The following KREMEN1 variants were observed in gnomAD, a reference collection of about 807,000 sequenced individuals.
KREMEN1 encodes kremen protein 1.
A neutral mutation model predicts 46.5 loss-of-function variants in KREMEN1; 30 were observed. The ratio of observed to expected loss-of-function variants is 0.65; its 90% CI spans 0.48 to 0.88. The LOEUF (loss-of-function observed/expected upper bound fraction) is 0.88, where lower values mean the gene tolerates loss of function less well. KREMEN1 is among the 40% of genes least tolerant of loss of function. The probability of loss-of-function intolerance (pLI) is 0.00; values close to 1 mark genes in which losing one functional copy is unlikely to be tolerated. For synonymous variants in KREMEN1, 214 were observed against 230.6 expected, an observed-to-expected ratio of 0.93 and a Z score of 0.65; for missense variants, 533 against 596.9, an observed-to-expected ratio of 0.89 and a Z score of 1.11.
At position 29,142,677 on chromosome 22, in the gene KREMEN1, C is replaced by A. The variant is rs747399253; in HGVS notation, c.*565C>A. The A allele has an allele frequency of 9.7e-5, 96 of 985,428 alleles. No homozygotes were observed. The highest frequency in any genetic ancestry group is 1.1e-4 in the Non-Finnish European group (93 of 830,028). 61.0% of individuals were successfully genotyped at this position (985,428 alleles called of 1,614,324 possible). A position where few individuals can be genotyped will look rare whatever the true frequency, so the allele number is the denominator to read the frequency against. On this transcript the variant is annotated 3_prime_UTR_variant, in exon 9 of 9. Coordinates refer to ENST00000400335, the MANE Select transcript of KREMEN1 (RefSeq NM_001039570.3). Reference sequence around the variant, plus strand: ...GGCAGTGTCTGTGCTGCCCCGGCAGCTTTGCTCTCCAGATGCTGGACTAGG... The same window carrying A: ...GGCAGTGTCTGTGCTGCCCCGGCAGATTTGCTCTCCAGATGCTGGACTAGG...
Position 29,146,269 on chromosome 22 carries a change from G to A in KREMEN1, c.*4157G>A. On this transcript the variant is annotated 3_prime_UTR_variant, in exon 9 of 9. Transcript: ENST00000400335. Reference sequence around the variant, plus strand: ...GCCAGGTCTCAGCTTAGCTTCCCTGGTGTGGGGTGTTTTTCAAGCCTTCCA... The same window carrying A: ...GCCAGGTCTCAGCTTAGCTTCCCTGATGTGGGGTGTTTTTCAAGCCTTCCA... 1.0e-6 allele frequency: 1 copy of A among 985,910 alleles called. No homozygotes were observed. Among genetic ancestry groups the A allele is most frequent in the Non-Finnish European group, 1.2e-6 (1 of 829,998 alleles). The allele number at this position is 985,910 out of a possible 1,614,324, so 61.1% of individuals were successfully genotyped here.
At chr22:29,085,895 C>T (rs1390877005) in intron 1 of KREMEN1, among the ~76,000 whole-genome samples, 4 of 151,222 alleles carry the variant, frequency 2.6e-5, no homozygotes, top group Non-Finnish European at 5.9e-5. Flanking sequence ...CACTTGAGCC[C>T]AGGAGGTAGA....
rs1239316511 is a variant in KREMEN1 at position 29,146,010 on chromosome 22, G to A, written c.*3898G>A. 3.0e-6 allele frequency: 3 copies of A among 985,348 alleles called. No homozygotes were observed. Among genetic ancestry groups the A allele is most frequent in the East Asian group, 1.1e-4 (1 of 8,836 alleles). 61.0% of individuals were successfully genotyped at this position (985,348 alleles called of 1,614,324 possible). On this transcript the variant is annotated 3_prime_UTR_variant, in exon 9 of 9. Coordinates refer to ENST00000400335, the MANE Select transcript of KREMEN1 (RefSeq NM_001039570.3). ...GCCCCGATGCATCCTGGCACTGCAC[G>A]CTTACTCTTCACAAGCACTTATACG...
intron 5 of KREMEN1, among the ~76,000 whole-genome samples, chr22:29,131,096 C>G (rs992238681): frequency 6.6e-6 from 1 of 152,190 alleles, no homozygotes; most frequent in Non-Finnish European, 1.5e-5. Context: ...CCAACACTTA[C>G]TGAGCTTATA....
At chr22:29,107,011 C>G (rs928498873) in intron 3 of KREMEN1, among the ~76,000 whole-genome samples, 1 of 152,154 alleles carries the variant, frequency 6.6e-6, no homozygotes, top group African/African-American at 2.4e-5. Flanking sequence ...CAGAGCCACT[C>G]TGCAGTATGC....
At chr22:29,107,651 A>G (rs1198184840) in intron 3 of KREMEN1, among the ~76,000 whole-genome samples, 1 of 152,104 alleles carries the variant, frequency 6.6e-6, no homozygotes, top group Non-Finnish European at 1.5e-5. Flanking sequence ...TGGGAGACCA[A>G]GGTGGGAGGA....
intron 5 of KREMEN1, among the ~76,000 whole-genome samples, chr22:29,131,716 A>ATG (rs1346382748): frequency 9.9e-5 from 13 of 131,970 alleles, no homozygotes; most frequent in African/African-American, 2.7e-4. Context: ...ATATGTATAT[A>ATG]TGTATATATA....
At position 29,142,041 on chromosome 22, in the gene KREMEN1, A is replaced by G. The variant is rs376902708; in HGVS notation, c.1306A>G (p.Ile436Val). 2.3e-5 allele frequency: 37 copies of G among 1,613,074 alleles called. No individual in the cohort carries two copies. Among genetic ancestry groups the G allele is most frequent in the Non-Finnish European group, 3.0e-5 (35 of 1,179,602 alleles). Residue 436 changes from isoleucine (I) to valine (V), a missense_variant, in exon 9 of 9, where the codon ATT becomes GTT. Transcript: ENST00000400335. Reference sequence around the variant, plus strand: ...CATTTTTTACAAGCCTTCCACTTCAATTTCCATCTTTAAGAAGAAACTCAA... The same window carrying G: ...CATTTTTTACAAGCCTTCCACTTCAGTTTCCATCTTTAAGAAGAAACTCAA... ...WSIFYKPSTS[I>V]SIFKKKLKGQ... is the part of the protein sequence containing the mutation.
At chr22:29,102,854 C>T (rs912547661) in intron 3 of KREMEN1, among the ~76,000 whole-genome samples, 4 of 152,148 alleles carry the variant, frequency 2.6e-5, no homozygotes, top group African/African-American at 9.7e-5. Flanking sequence ...GGAATGAGAG[C>T]TCTATAGTAC....
chr22:29,106,985 A>G (rs1008872502), intron 3 of KREMEN1, among the ~76,000 whole-genome samples: 6 of 152,122 alleles, frequency 3.9e-5, no homozygotes, highest in African/African-American at 1.2e-4. Context: ...GGATCTGGGA[A>G]GCATTTGCTG....
At chr22:29,156,499 T>C (rs2038962967) in intron 9 of KREMEN1, among the ~76,000 whole-genome samples, 1 of 152,074 alleles carries the variant, frequency 6.6e-6, no homozygotes, top group Admixed American at 6.6e-5. Context: ...GAGTGATTGA[T>C]TGGGCCTGTG....
intron 9 of KREMEN1, among the ~76,000 whole-genome samples, chr22:29,157,756 C>T (rs1053099771): frequency 1.2e-4 from 18 of 152,180 alleles, no homozygotes; most frequent in African/African-American, 3.6e-4. Flanking sequence ...GCCAATCCCC[C>T]TAGATACATC....
chr22:29,164,420 T>C (rs1459002404), intron 9 of KREMEN1, among the ~76,000 whole-genome samples: 2 of 152,212 alleles, frequency 1.3e-5, no homozygotes, highest in East Asian at 3.9e-4. Context: ...CTTACTGTGC[T>C]CCAGGCATTG....
chr22:29,122,518 T>C (rs1032273933), intron 4 of KREMEN1, among the ~76,000 whole-genome samples: 4 of 152,240 alleles, frequency 2.6e-5, no homozygotes, highest in African/African-American at 4.8e-5. Context: ...TGAATGTTCA[T>C]AGCAGCATTA....
chr22:29,096,029 G>A lies in KREMEN1; in HGVS notation c.260+1609G>A, dbSNP rs537184082. 7.9e-5 allele frequency among the ~76,000 whole-genome samples: 12 copies of A among 152,140 alleles called. No homozygotes were observed. The South Asian group carries it at 2.5e-3, about 32-fold the overall frequency. ...GCCACTTCACATTTTGCTATCTGTT[G>A]TATTTTATTGTTCAAGTTACACATG... On this transcript the variant is annotated intron_variant, in intron 2 of 8. Transcript: ENST00000400335.
At position 29,083,869 on chromosome 22, in the gene KREMEN1, TAA is replaced by T. The variant is rs367740287; in HGVS notation, c.98-10387_98-10386del. Among the ~76,000 whole-genome samples, 1,177 of 149,718 alleles carry T rather than the reference TAA, an allele frequency of 7.9e-3. 12 individuals are homozygous for T. The highest frequency in any genetic ancestry group is 0.027 in the African/African-American group (1,102 of 40,834). ...AAGAATTCAGGACAAGTCCACAGAG[TAA>T]AGTGAAAAGGAGTTTATTAGAGAAG... is the stretch of plus-strand genomic sequence containing the variant. On this transcript the variant is annotated intron_variant, in intron 1 of 8. Coordinates refer to ENST00000400335, the MANE Select transcript of KREMEN1 (RefSeq NM_001039570.3).
rs1176208187 is a variant in KREMEN1, at chr22:29,131,560, A to ATGTGTGTGTG, written c.632-5756_632-5747dup. ...TATATATATATATATATATATATAT[A>ATGTGTGTGTG]TGTGTGTGTGTGTGTGTGTGTGTGT... On this transcript the variant is annotated intron_variant, in intron 5 of 8. Coordinates refer to ENST00000400335, the MANE Select transcript of KREMEN1 (RefSeq NM_001039570.3). Among the ~76,000 whole-genome samples the ATGTGTGTGTG allele has an allele frequency of 7.0e-4, 49 of 69,914 alleles. 2 individuals carry two copies. In the East Asian group the frequency reaches 9.6e-3, roughly 14 times the overall value. 45.9% of individuals were successfully genotyped at this position (69,914 alleles called of 152,430 possible).
At position 29,143,234 on chromosome 22, in the gene KREMEN1, A is replaced by G. The variant is rs527875076; in HGVS notation, c.*1122A>G. On this transcript the variant is annotated 3_prime_UTR_variant, in exon 9 of 9. Coordinates refer to ENST00000400335, the MANE Select transcript of KREMEN1 (RefSeq NM_001039570.3). ...CTCCTGCAAGCTTTTATGGGCACTC[A>G]GTAAGTACTCAGGATTGGCTTTATC... is the stretch of plus-strand genomic sequence containing the variant. 1,139 of 985,448 alleles carry G rather than the reference A, an allele frequency of 1.2e-3. 1 individual carries two copies. The highest frequency in any genetic ancestry group is 1.3e-3 in the Non-Finnish European group (1,101 of 829,940). The allele number at this position is 985,448 out of a possible 1,614,324, so 61.0% of individuals were successfully genotyped here. A position where few individuals can be genotyped will look rare whatever the true frequency, so the allele number is the denominator to read the frequency against.
At chr22:29,099,169 C>T in intron 3 of KREMEN1, 1 of 497,502 alleles carries the variant, frequency 2.0e-6, no homozygotes, top group South Asian at 2.5e-5. Flanking sequence ...TAAAGGTATT[C>T]CCTTGATGGG....
Sources: allele counts gnomAD v4.1 joint callset (sites outside exome capture counted in the v4.1 genomes callset), GRCh38; gene constraint gnomAD v4.1.1; transcripts MANE v1.5; gene names NCBI Gene and HGNC (gene_info 2026-07-23, HGNC 2026-07-21).